EYS: variants seen among roughly 807,000 people sequenced by gnomAD.
EYS encodes protein eyes shut homolog.
EYS carries 250 observed loss-of-function variants against 282.1 expected under a neutral mutation model. The ratio of observed to expected loss-of-function variants is 0.89; its 90% CI spans 0.80 to 0.98. The LOEUF (loss-of-function observed/expected upper bound fraction) is 0.98, where lower values mean the gene tolerates loss of function less well. EYS is among the 50% of genes least tolerant of loss of function. The probability of loss-of-function intolerance (pLI) is 0.00; values close to 1 mark genes in which losing one functional copy is unlikely to be tolerated. For missense variants in EYS, 4,016 were observed against 3,709.0 expected (o/e 1.08, Z -2.15); for synonymous variants, 1,355 against 1,282.9 (o/e 1.06, Z -1.20).
At position 65,219,199 on chromosome 6, in the gene EYS, A is replaced by T. The variant is rs546767796; in HGVS notation, c.2023+76664T>A. On this transcript the variant is annotated intron_variant, in intron 12 of 42. Transcript: ENST00000503581. ...TGTAATCATTTCTGGAGATGTTTAG[A>T]CATATAAGCACACATACATATATTT... Among the ~76,000 whole-genome samples, 7 of 152,312 alleles carry T rather than the reference A, an allele frequency of 4.6e-5. No homozygotes were observed. The South Asian group carries it at 1.4e-3, about 32-fold the overall frequency.
At chr6:65,133,411 C>G (rs543723084) in intron 12 of EYS, among the ~76,000 whole-genome samples, 7 of 152,070 alleles carry the variant, frequency 4.6e-5, no homozygotes, top group Non-Finnish European at 1.0e-4. Context: ...CATTATGGTA[C>G]TAGTACAGAA....
chr6:64,203,276 T>C (rs1765517353), intron 31 of EYS, among the ~76,000 whole-genome samples: 1 of 152,128 alleles, frequency 6.6e-6, no homozygotes, highest in African/African-American at 2.4e-5. Flanking sequence ...GATTTCAACA[T>C]TAAATGAAGC....
At chr6:64,589,501 T>TA (rs1463719897) in intron 26 of EYS, among the ~76,000 whole-genome samples, 16 of 152,112 alleles carry the variant, frequency 1.1e-4, no homozygotes, top group Non-Finnish European at 2.1e-4. Context: ...CACAATTCTT[T>TA]AACCTTTTTC....
chr6:64,549,591 A>G (rs1366987960), intron 26 of EYS, among the ~76,000 whole-genome samples: 1 of 152,072 alleles, frequency 6.6e-6, no homozygotes, highest in African/African-American at 2.4e-5. Context: ...ATAAATTTTT[A>G]TTTCCTTCTC....
At chr6:63,981,865 A>G (rs1562130729) in intron 35 of EYS, among the ~76,000 whole-genome samples, 1 of 151,876 alleles carries the variant, frequency 6.6e-6, no homozygotes, top group Non-Finnish European at 1.5e-5. Context: ...TTGAATATAC[A>G]TCTTTGATTT....
At chr6:64,789,078 A>G (rs541845436) in intron 22 of EYS, among the ~76,000 whole-genome samples, 45 of 152,274 alleles carry the variant, frequency 3.0e-4, no homozygotes, top group African/African-American at 1.0e-3. Flanking sequence ...TCCATTTCCT[A>G]TGCTACTATA....
chr6:63,834,505 A>G (rs1188118409), intron 36 of EYS, among the ~76,000 whole-genome samples: 2 of 152,116 alleles, frequency 1.3e-5, no homozygotes, highest in African/African-American at 4.8e-5. Flanking sequence ...ACAATGAGAT[A>G]CCATCTCACA....
chr6:64,287,673 C>T (rs1024636035), intron 30 of EYS, among the ~76,000 whole-genome samples: 2 of 151,914 alleles, frequency 1.3e-5, no homozygotes, highest in African/African-American at 4.8e-5. Flanking sequence ...AAAATCCCAC[C>T]CTCTGTTAGA....
intron 29 of EYS, among the ~76,000 whole-genome samples, chr6:64,355,764 T>A (rs1432446264): frequency 6.6e-6 from 1 of 151,582 alleles, no homozygotes; most frequent in Non-Finnish European, 1.5e-5. Flanking sequence ...CAAAGATGAA[T>A]CAATCAGGCA....
intron 24 of EYS, among the ~76,000 whole-genome samples, chr6:64,601,881 C>T (rs1766772545): frequency 6.6e-6 from 1 of 152,074 alleles, no homozygotes; most frequent in Admixed American, 6.6e-5. Flanking sequence ...ATTATCCACT[C>T]TTTACTGTCC....
At chr6:65,649,889 C>T (rs1767591556) in intron 1 of EYS, among the ~76,000 whole-genome samples, 1 of 152,040 alleles carries the variant, frequency 6.6e-6, no homozygotes, top group Admixed American at 6.6e-5. Flanking sequence ...TAGAAACATA[C>T]AGAATGTCAA....
rs140254682 is a variant in EYS at position 64,542,152 on chromosome 6, G to A, written c.5644+48071C>T. On this transcript the variant is annotated intron_variant, in intron 26 of 42. Coordinates refer to ENST00000503581, the MANE Select transcript of EYS (RefSeq NM_001142800.2). ...AAATAGTTCACCTCTGAATTTTGATGAGCAAATCAACAAGTTCAGTTTTCC... is the reference window on the plus strand; with the variant it reads ...AAATAGTTCACCTCTGAATTTTGATAAGCAAATCAACAAGTTCAGTTTTCC... Among the ~76,000 whole-genome samples, 918 of 152,164 alleles carry A rather than the reference G, an allele frequency of 6.0e-3. 11 individuals are homozygous for A. The highest frequency in any genetic ancestry group is 0.021 in the African/African-American group (871 of 41,546).
intron 5 of EYS, among the ~76,000 whole-genome samples, chr6:65,477,881 A>C (rs1352106367): frequency 6.6e-6 from 1 of 152,162 alleles, no homozygotes; most frequent in Non-Finnish European, 1.5e-5. Context: ...TAAGAATGTC[A>C]GTACTCAAAT....
intron 2 of EYS, among the ~76,000 whole-genome samples, chr6:65,607,763 A>C (rs1765852033): frequency 6.6e-6 from 1 of 151,862 alleles, no homozygotes; most frequent in African/African-American, 2.4e-5. Context: ...CACATACATT[A>C]TGCAGAATTT....
At chr6:64,156,269 G>T (rs1458593437) in intron 31 of EYS, among the ~76,000 whole-genome samples, 1 of 152,022 alleles carries the variant, frequency 6.6e-6, no homozygotes, top group Non-Finnish European at 1.5e-5. Flanking sequence ...AGAGGTTTCT[G>T]CTTTTGCATC....
chr6:64,254,739 T>A (rs1280398406), intron 30 of EYS, among the ~76,000 whole-genome samples: 2 of 152,134 alleles, frequency 1.3e-5, no homozygotes, highest in Non-Finnish European at 2.9e-5. Flanking sequence ...TGCCACGTAG[T>A]AAATAAATCC....
chr6:64,571,502 A>C (rs2149817455), intron 26 of EYS, among the ~76,000 whole-genome samples: 1 of 152,184 alleles, frequency 6.6e-6, no homozygotes, highest in East Asian at 1.9e-4. Flanking sequence ...TTGTTTTTGA[A>C]AATATTAACA....
chr6:64,327,012 G>C (rs896693040), intron 29 of EYS, among the ~76,000 whole-genome samples: 4 of 152,232 alleles, frequency 2.6e-5, no homozygotes, highest in East Asian at 3.9e-4. Context: ...ATGTGGATGG[G>C]GCCCACGAGT....
At chr6:65,487,918 C>G (rs917348082) in intron 5 of EYS, among the ~76,000 whole-genome samples, 1 of 151,992 alleles carries the variant, frequency 6.6e-6, no homozygotes, top group East Asian at 1.9e-4. Flanking sequence ...TGTATGTGTC[C>G]AGGAATTTAT....
Sources: allele counts gnomAD v4.1 joint callset (sites outside exome capture counted in the v4.1 genomes callset), GRCh38; gene constraint gnomAD v4.1.1; transcripts MANE v1.5; gene names NCBI Gene and HGNC (gene_info 2026-07-23, HGNC 2026-07-21).